The following FREM1 variants were observed in gnomAD, a reference collection of about 807,000 sequenced individuals.
The protein encoded by FREM1 is FRAS1 related extracellular matrix 1.
Under a neutral mutation model 210.1 loss-of-function variants are expected in FREM1, and 220 were observed. The ratio of observed to expected loss-of-function variants is 1.05; its 90% CI spans 0.94 to 1.17. The LOEUF is 1.17. Among genes scored for constraint, FREM1 ranks in the 50% most tolerant of loss-of-function variants. The probability of loss-of-function intolerance (pLI) is 0.00; values close to 1 mark genes in which losing one functional copy is unlikely to be tolerated. For synonymous variants in FREM1, 1,189 were observed against 980.2 expected (o/e 1.21, Z -3.98); for missense variants, 3,454 against 2,675.5 (o/e 1.29, Z -6.42).
chr9:14,907,284 C>A (rs887127604), intron 1 of FREM1, among the ~76,000 whole-genome samples: 2 of 152,122 alleles, frequency 1.3e-5, no homozygotes, highest in Admixed American at 6.5e-5. Context: ...TGAAATGGTG[C>A]CCCAGTCACT....
intron 5 of FREM1, among the ~76,000 whole-genome samples, chr9:14,854,798 A>G (rs1828419379): frequency 6.6e-6 from 1 of 152,080 alleles, no homozygotes; most frequent in Admixed American, 6.5e-5. Flanking sequence ...AATGGGAGAA[A>G]AATATTCTAT....
intron 10 of FREM1, 38 bp from the exon 11 acceptor site, chr9:14,825,030 C>A: frequency 2.1e-6 from 3 of 1,428,192 alleles, no homozygotes; most frequent in Non-Finnish European, 2.9e-6. Flanking sequence ...TTTGAAATAC[C>A]AAAAAAACAA....
intron 23 of FREM1, among the ~76,000 whole-genome samples, chr9:14,787,040 C>G (rs1039466969): frequency 6.6e-6 from 1 of 152,178 alleles, no homozygotes; most frequent in Non-Finnish European, 1.5e-5. Flanking sequence ...CTAAACTTAT[C>G]TGAAAGATCT....
At chr9:14,886,443 G>A (rs1424491696) in intron 1 of FREM1, among the ~76,000 whole-genome samples, 1 of 149,950 alleles carries the variant, frequency 6.7e-6, no homozygotes, top group Non-Finnish European at 1.5e-5. Context: ...CAGAGAAATG[G>A]CATTTTAACT....
chr9:14,828,249 C>T (rs1023375397), intron 10 of FREM1, among the ~76,000 whole-genome samples: 1 of 152,216 alleles, frequency 6.6e-6, no homozygotes, highest in African/African-American at 2.4e-5. Flanking sequence ...ATCCTAGCCT[C>T]AGCATGTCCA....
intron 27 of FREM1, among the ~76,000 whole-genome samples, chr9:14,763,695 C>G (rs186739820): frequency 2.6e-5 from 4 of 152,308 alleles, no homozygotes; most frequent in Admixed American, 6.5e-5. Flanking sequence ...TTTAAAATCA[C>G]AATGTCTTTC....
chr9:14,756,521 T>A, intron 28 of FREM1, 75 bp from the exon 29 acceptor site: 2 of 1,030,484 alleles, frequency 1.9e-6, no homozygotes, highest in Non-Finnish European at 2.9e-6. Context: ...TTCTCCCTCA[T>A]ACTGGACTAA....
At chr9:14,835,099 C>G (rs1307454205) in intron 10 of FREM1, among the ~76,000 whole-genome samples, 2 of 152,174 alleles carry the variant, frequency 1.3e-5, no homozygotes, top group African/African-American at 4.8e-5. Context: ...GACATGTTCA[C>G]AAATATCAAG....
intron 1 of FREM1, among the ~76,000 whole-genome samples, chr9:14,901,755 C>T (rs1838825530): frequency 6.6e-6 from 1 of 152,152 alleles, no homozygotes; most frequent in Non-Finnish European, 1.5e-5. Context: ...GCTCAATCTA[C>T]AATATAATTA....
At position 14,863,865 on chromosome 9, in the gene FREM1, A is replaced by G. The variant is rs61740262; in HGVS notation, c.273T>C (p.Tyr91=). 5.7e-3 allele frequency: 9,136 copies of G among 1,613,344 alleles called. 355 individuals are homozygous for G. The African/African-American group carries it at 0.094, about 17-fold the overall frequency. The change falls in exon 3 of 37, where the codon TAT becomes TAC. Residue 91 remains tyrosine (Y), a synonymous_variant. Coordinates refer to ENST00000380880, the MANE Select transcript of FREM1 (RefSeq NM_001379081.2). ...DCHFLPNEVK[Y]VHNGCPILDE... is the part of the protein sequence containing the mutation. The stretch of plus-strand genomic sequence containing the variant: ...CAAGAATTGGACAACCATTGTGAAC[A>G]TACTTGACTTCGTTGGGAAGGAAAT...
In FREM1 at chr9:14,797,601, C is replaced by A; in HGVS notation, c.3736G>T (p.Ala1246Ser). 1 of 1,612,308 alleles carries A rather than the reference C, an allele frequency of 6.2e-7. No individual in the cohort carries two copies. The highest frequency in any genetic ancestry group is 8.5e-7 in the Non-Finnish European group (1 of 1,178,888). Residue 1246 changes from alanine to serine, a missense_variant, in exon 21 of 37, where the codon GCT becomes TCT. Coordinates refer to ENST00000380880, the MANE Select transcript of FREM1 (RefSeq NM_001379081.2). Reference sequence around the variant, plus strand: ...GACAATTGGATTGTAAAATCATCAGCAAGGCTCTCTGAGTCATCATGCATG... The same window carrying A: ...GACAATTGGATTGTAAAATCATCAGAAAGGCTCTCTGAGTCATCATGCATG... ...TYMHDDSESL[A>S]DDFTIQLSDG...
rs552702329 is a variant in FREM1, at chr9:14,808,644, T to C, written c.2894-510A>G. ...AAAAGTAGGCCACATTTTTGCCATT[T>C]CTTTCAATATTCTTCTTATTATATA... On this transcript the variant is annotated intron_variant, in intron 16 of 36. Transcript: ENST00000380880. Among the ~76,000 whole-genome samples the C allele has an allele frequency of 7.9e-5, 12 of 152,360 alleles. No individual in the cohort carries two copies. In the East Asian group the frequency reaches 2.3e-3, roughly 29 times the overall value.
intron 20 of FREM1, among the ~76,000 whole-genome samples, chr9:14,799,675 C>A (rs1342302822): frequency 6.6e-6 from 1 of 151,758 alleles, no homozygotes; most frequent in Non-Finnish European, 1.5e-5. Context: ...AAATTTTAAA[C>A]AATGTATTCT....
chr9:14,762,213 T>C (rs1216856804), intron 27 of FREM1, among the ~76,000 whole-genome samples: 1 of 151,206 alleles, frequency 6.6e-6, no homozygotes, highest in African/African-American at 2.4e-5. Context: ...GTCAGCAAGA[T>C]GGATTAGGGG....
intron 5 of FREM1, among the ~76,000 whole-genome samples, chr9:14,852,297 C>T (rs1413252602): frequency 6.6e-6 from 1 of 152,156 alleles, no homozygotes; most frequent in Non-Finnish European, 1.5e-5. Context: ...GGCATGCATC[C>T]TCCCAAAATG....
At chr9:14,881,461 A>G (rs1025144582) in intron 1 of FREM1, among the ~76,000 whole-genome samples, 1 of 152,230 alleles carries the variant, frequency 6.6e-6, no homozygotes, top group Non-Finnish European at 1.5e-5. Context: ...TAATGAATTC[A>G]AATATGTTTT....
intron 22 of FREM1, among the ~76,000 whole-genome samples, chr9:14,790,399 A>T (rs1285507961): frequency 1.3e-5 from 2 of 152,178 alleles, no homozygotes; most frequent in African/African-American, 4.8e-5. Context: ...CATCATAATA[A>T]TTAAGCTAGA....
intron 22 of FREM1, chr9:14,790,573 T>C (rs188754654): frequency 6.6e-6 from 1 of 152,302 alleles, no homozygotes; most frequent in East Asian, 1.9e-4. Context: ...TGTCTCCATG[T>C]AATTCCTTAC....
At chr9:14,859,533 TC>T in intron 3 of FREM1, 49 bp from the exon 4 acceptor site, 1 of 1,481,978 alleles carries the variant, frequency 6.7e-7, no homozygotes, top group African/African-American at 1.4e-5. Context: ...CTCAGGTATT[TC>T]TGATACCCAT....
Sources: allele counts gnomAD v4.1 joint callset (sites outside exome capture counted in the v4.1 genomes callset), GRCh38; gene constraint gnomAD v4.1.1; transcripts MANE v1.5; gene names NCBI Gene and HGNC (gene_info 2026-07-23, HGNC 2026-07-21).